Variants in NDUFS1 observed in about 807,000 individuals in gnomAD.
NDUFS1 encodes the protein NADH-ubiquinone oxidoreductase 75 kDa subunit, mitochondrial.
Under a neutral mutation model 84.4 loss-of-function variants are expected in NDUFS1, and 61 were observed. That is an observed-to-expected ratio of 0.72 (90% CI 0.59 to 0.89). The LOEUF (loss-of-function observed/expected upper bound fraction) is 0.89, where lower values mean the gene tolerates loss of function less well. Among genes scored for constraint, NDUFS1 ranks in the 40% least tolerant of loss-of-function variants. The pLI, the probability that NDUFS1 is intolerant of heterozygous loss-of-function variation, is 0.00. For missense variants in NDUFS1, 891 were observed against 890.0 expected (o/e 1.00, Z -0.01); for synonymous variants, 275 against 290.0 (o/e 0.95, Z 0.53).
At chr2:206,127,254 C>A (rs1192807253) in intron 16 of NDUFS1, among the ~76,000 whole-genome samples, 1 of 152,284 alleles carries the variant, frequency 6.6e-6, no homozygotes, top group African/African-American at 2.4e-5. Context: ...CAATTTCAGG[C>A]CAGGTGCAGT....
chr2:206,143,258 CA>C (rs1692032775), intron 10 of NDUFS1, among the ~76,000 whole-genome samples: 1 of 152,030 alleles, frequency 6.6e-6, no homozygotes, highest in Non-Finnish European at 1.5e-5. Flanking sequence ...AACTCCATCT[CA>C]AAAACACAAA....
intron 13 of NDUFS1, among the ~76,000 whole-genome samples, chr2:206,134,401 A>C (rs998769907): frequency 2.0e-5 from 3 of 152,154 alleles, no homozygotes; most frequent in Non-Finnish European, 4.4e-5. Context: ...TGGGAGGCCG[A>C]AGTGGGTGGA....
Position 206,152,446 on chromosome 2 carries a change from C to T in NDUFS1, c.126G>A (p.Met42Ile). Residue 42 changes from methionine to isoleucine, a missense_variant, in exon 3 of 19, where the codon ATG becomes ATA. Met to Ile is a conservative substitution (Grantham distance 10, BLOSUM62 1). Coordinates refer to ENST00000233190, the MANE Select transcript of NDUFS1 (RefSeq NM_005006.7). The part of the protein sequence containing the change: ...IEVFVDGQSV[M>I]VEPGTTVLQA... ...GGAGGACGGTCGTTCCCGGTTCCAC[C>T]ATGACAGACTGACCATCAACAAATA... The T allele has an allele frequency of 6.2e-7, 1 of 1,614,092 alleles. No individual in the cohort carries two copies. Among genetic ancestry groups the T allele is most frequent in the Non-Finnish European group, 8.5e-7 (1 of 1,179,994 alleles).
At position 206,126,601 on chromosome 2, in the gene NDUFS1, T is replaced by G. The variant is rs749822261; in HGVS notation, c.2030A>C (p.Gln677Pro). The change falls in exon 18 of 19, where the codon CAG (glutamine) becomes CCG (proline). Residue 677 changes from glutamine to proline, a missense_variant. Transcript: ENST00000233190. ...QANELSKLVN[Q>P]QLLADPLVPP... ...AACAAGTGGGTCAGCAAGAAGCTGC[T>G]GGTTCACTAGCTGCACAAAAAAGAA... The G allele has an allele frequency of 6.2e-7, 1 of 1,614,170 alleles. No individual in the cohort carries two copies. Among genetic ancestry groups the G allele is most frequent in the East Asian group, 2.2e-5 (1 of 44,868 alleles).
chr2:206,148,533 C>A (rs1393402031), intron 5 of NDUFS1, among the ~76,000 whole-genome samples: 2 of 151,852 alleles, frequency 1.3e-5, no homozygotes, highest in Non-Finnish European at 2.9e-5. Context: ...GTCTGTAATC[C>A]CAGAACTATG....
At position 206,150,023 on chromosome 2, in the gene NDUFS1, T is replaced by TTCTATCTATCTATCTATCTATCTA. The variant is rs3217140; in HGVS notation, c.154-122_154-99dup. 564 of 691,752 alleles carry TTCTATCTATCTATCTATCTATCTA rather than the reference T, an allele frequency of 8.2e-4. 2 individuals carry two copies. The highest frequency in any genetic ancestry group is 3.7e-3 in the African/African-American group (194 of 52,950). The allele number at this position is 691,752 out of a possible 1,614,324, so 42.9% of individuals were successfully genotyped here. A position where few individuals can be genotyped will look rare whatever the true frequency, so the allele number is the denominator to read the frequency against. On this transcript the variant is annotated intron_variant, in intron 3 of 18. Coordinates refer to ENST00000233190, the MANE Select transcript of NDUFS1 (RefSeq NM_005006.7). ...ACACACACATACAGCATCTTATTAC[T>TTCTATCTATCTATCTATCTATCTA]TCTATCTATCTATCTATCTATCTAT...
chr2:206,126,664 C>T (rs375291720), intron 17 of NDUFS1, 46 bp downstream of exon 17: 2 of 1,613,964 alleles, frequency 1.2e-6, no homozygotes, highest in Non-Finnish European at 1.7e-6. Flanking sequence ...TACTGTTACA[C>T]CAGTAGATAC....
At chr2:206,143,796 CA>C (rs1452729701) in intron 10 of NDUFS1, among the ~76,000 whole-genome samples, 1 of 152,136 alleles carries the variant, frequency 6.6e-6, no homozygotes, top group African/African-American at 2.4e-5. Context: ...TTCTCTACTA[CA>C]AGATTGTAGG....
chr2:206,142,891 A>G, intron 10 of NDUFS1, 60 bp from the exon 11 acceptor site: 1 of 1,592,518 alleles, frequency 6.3e-7, no homozygotes, highest in Non-Finnish European at 8.6e-7. Flanking sequence ...ACCACAATGA[A>G]ATGTTCAGAA....
At chr2:206,144,280 T>A in intron 9 of NDUFS1, 148 bp from the exon 10 acceptor site, 1 of 645,752 alleles carries the variant, frequency 1.5e-6, no homozygotes, top group South Asian at 1.8e-5. Context: ...TTATTCCAGA[T>A]ATTTTTAGAG....
At chr2:206,159,218 G>A (rs1229954804) in intron 1 of NDUFS1, 123 bp downstream of exon 1, 2 of 1,380,614 alleles carry the variant, frequency 1.4e-6, no homozygotes, top group Non-Finnish European at 2.0e-6. Context: ...GCGGCGGGGC[G>A]GGAGGCGGCG....
At chr2:206,152,057 G>A (rs1337520150) in intron 3 of NDUFS1, among the ~76,000 whole-genome samples, 3 of 152,132 alleles carry the variant, frequency 2.0e-5, no homozygotes, top group Non-Finnish European at 4.4e-5. Flanking sequence ...AGTAGAGAAG[G>A]GGTTTCACAG....
In NDUFS1 at chr2:206,127,962, A is replaced by C; in HGVS notation, c.1719T>G (p.Gly573=). 6.2e-7 allele frequency: 1 copy of C among 1,614,160 alleles called. No individual in the cohort carries two copies. Among genetic ancestry groups the C allele is most frequent in the Non-Finnish European group, 8.5e-7 (1 of 1,180,018 alleles). ...DCFIIYQGHH[G]DVGAPIADVI... ...CATCAGCTATGGGAGCCCCAACATC[A>C]CCATGATGTCCTGCACAAAGATGGA... Residue 573 remains glycine, a synonymous_variant, in exon 16 of 19, where the codon GGT becomes GGG. Coordinates refer to ENST00000233190, the MANE Select transcript of NDUFS1 (RefSeq NM_005006.7).
chr2:206,138,819 T>C (rs1340234779), intron 12 of NDUFS1, among the ~76,000 whole-genome samples: 1 of 152,312 alleles, frequency 6.6e-6, no homozygotes, highest in East Asian at 1.9e-4. Context: ...ATTTGCTGTG[T>C]AGAAATGCTA....
intron 3 of NDUFS1, among the ~76,000 whole-genome samples, chr2:206,150,869 G>A (rs2105979774): frequency 6.6e-6 from 1 of 151,648 alleles, no homozygotes; most frequent in African/African-American, 2.4e-5. Flanking sequence ...GAGTTCTAAA[G>A]AACTATTTGT....
At position 206,126,573 on chromosome 2, in the gene NDUFS1, T is replaced by C. The variant is rs757479318; in HGVS notation, c.2058A>G (p.Pro686=). The change falls in exon 18 of 19, where the codon CCA becomes CCG. Residue 686 remains proline (P), a synonymous_variant. Transcript: ENST00000233190. ...AGAAGTCTTTTATAGTTAGCTGAGG[T>C]GGAACAAGTGGGTCAGCAAGAAGCT... The part of the protein sequence containing the change: ...NQQLLADPLV[P]PQLTIKDFYM... The C allele has an allele frequency of 6.2e-7, 1 of 1,614,092 alleles. No individual in the cohort carries two copies. Among genetic ancestry groups the C allele is most frequent in the Non-Finnish European group, 8.5e-7 (1 of 1,180,002 alleles).
At chr2:206,129,938 T>C in intron 15 of NDUFS1, 150 bp downstream of exon 15, 1 of 815,738 alleles carries the variant, frequency 1.2e-6, no homozygotes, top group Admixed American at 2.1e-5. Flanking sequence ...TAATAACACT[T>C]GTGGTTTGTT....
At chr2:206,154,370 G>C (rs1049139332) in intron 1 of NDUFS1, among the ~76,000 whole-genome samples, 4 of 152,174 alleles carry the variant, frequency 2.6e-5, no homozygotes, top group African/African-American at 7.2e-5. Flanking sequence ...AGCAATGTCT[G>C]AACACACTGT....
Position 206,128,197 on chromosome 2 carries a change from G to A in NDUFS1, c.1709-225C>T, listed in dbSNP as rs545045430. 5.9e-5 allele frequency among the ~76,000 whole-genome samples: 9 copies of A among 151,880 alleles called. No homozygotes were observed. In the East Asian group the frequency reaches 7.8e-4, roughly 13 times the overall value. ...TATTATTTTTTTGAGATGGAGTCTC[G>A]CTCTGTCGCCCAGGCTGGAGTGCAG... On this transcript the variant is annotated intron_variant, in intron 15 of 18. Coordinates refer to ENST00000233190, the MANE Select transcript of NDUFS1 (RefSeq NM_005006.7).
Sources: gnomAD v4.1 joint callset for allele counts (sites outside exome capture counted in the v4.1 genomes callset) on GRCh38, gnomAD v4.1.1 for gene constraint, MANE v1.5 for transcripts, NCBI Gene and HGNC (gene_info 2026-07-23, HGNC 2026-07-21) for gene names.